The following TRPM7 variants were observed in gnomAD, a reference collection of about 807,000 sequenced individuals.
The protein encoded by TRPM7 is LTRPC ion channel family member 7.
TRPM7 carries 134 observed loss-of-function variants against 229.7 expected under a neutral mutation model. That is an observed-to-expected ratio of 0.58 (90% CI 0.51 to 0.67). The LOEUF is 0.67. Ranked by LOEUF, TRPM7 falls within the 30% of genes least tolerant of loss-of-function variation. The probability of loss-of-function intolerance (pLI) is 0.00; values close to 1 mark genes in which losing one functional copy is unlikely to be tolerated. For missense variants in TRPM7, 1,901 were observed against 2,210.0 expected, an observed-to-expected ratio of 0.86 and a Z score of 2.80; for synonymous variants, 699 against 715.2, an observed-to-expected ratio of 0.98 and a Z score of 0.36.
intron 1 of TRPM7, among the ~76,000 whole-genome samples, chr15:50,677,170 A>G (rs1015326470): frequency 6.6e-6 from 1 of 152,158 alleles, no homozygotes; most frequent in African/African-American, 2.4e-5. Flanking sequence ...AGGCTCTCAG[A>G]CAGCTGCCTC....
chr15:50,635,153 T>A (rs1038225629), intron 7 of TRPM7, among the ~76,000 whole-genome samples: 6 of 150,532 alleles, frequency 4.0e-5, no homozygotes, highest in Non-Finnish European at 7.4e-5. Context: ...CTGTCTCTAC[T>A]GAAAATACAA....
intron 22 of TRPM7, among the ~76,000 whole-genome samples, chr15:50,597,050 G>C (rs2140390247): frequency 6.6e-6 from 1 of 152,280 alleles, no homozygotes; most frequent in African/African-American, 2.4e-5. Context: ...TAAGAGTATG[G>C]TTGACTCATA....
chr15:50,637,492 T>A lies in TRPM7; in HGVS notation c.762A>T (p.Gly254=), dbSNP rs770097605. The A allele has an allele frequency of 6.2e-7, 1 of 1,614,128 alleles. No individual in the cohort carries two copies. Among genetic ancestry groups the A allele is most frequent in the Non-Finnish European group, 8.5e-7 (1 of 1,180,006 alleles). ...TCAGTCTGACTTCCGCCCCATACTT[T>A]CCAACAGTGCCATCATCCACCAATA... ...HFILVDDGTV[G]KYGAEVRLRR... Residue 254 remains glycine, a synonymous_variant, in exon 7 of 39, where the codon GGA becomes GGT. Transcript: ENST00000646667.
intron 4 of TRPM7, among the ~76,000 whole-genome samples, 173 bp downstream of exon 4, chr15:50,648,514 T>G (rs1002824645): frequency 6.6e-6 from 1 of 152,230 alleles, no homozygotes; most frequent in East Asian, 1.9e-4. Context: ...TTTATAATGA[T>G]GAAAGGTTCA....
At chr15:50,591,252 G>C (rs117730365) in intron 26 of TRPM7, among the ~76,000 whole-genome samples, 1,873 of 152,102 alleles carry the variant, frequency 0.012, 18 homozygotes, top group South Asian at 0.044. Flanking sequence ...GTCTTGGTTT[G>C]GGTAAAAAAA....
chr15:50,663,111 C>T, intron 1 of TRPM7, 65 bp from the exon 2 acceptor site: 7 of 1,205,338 alleles, frequency 5.8e-6, no homozygotes, highest in Non-Finnish European at 8.4e-6. Context: ...GAAACAATTT[C>T]ATGATAAACA....
chr15:50,686,252 G>T (rs1317288663), intron 1 of TRPM7, among the ~76,000 whole-genome samples: 1 of 152,168 alleles, frequency 6.6e-6, no homozygotes, highest in Admixed American at 6.5e-5. Flanking sequence ...TCCCGGGCTC[G>T]CGCCTCTGCC....
chr15:50,648,933 A>C, intron 3 of TRPM7, 48 bp from the exon 4 acceptor site: 5 of 1,464,194 alleles, frequency 3.4e-6, no homozygotes, highest in Non-Finnish European at 4.6e-6. Context: ...AATTAGAGTT[A>C]ATGAAAAAAT....
intron 26 of TRPM7, among the ~76,000 whole-genome samples, 193 bp from the exon 27 acceptor site, chr15:50,589,849 T>TTTTTTGG (rs2059440308): frequency 2.1e-5 from 1 of 46,650 alleles, no homozygotes; most frequent in Admixed American, 3.3e-4. Context: ...GGTTACAGTT[T>TTTTTTGG]TTTTTGTTTT....
intron 27 of TRPM7, among the ~76,000 whole-genome samples, chr15:50,586,888 T>A (rs1367530822): frequency 6.6e-6 from 1 of 152,016 alleles, no homozygotes; most frequent in African/African-American, 2.4e-5. Context: ...TGGTGGCGCA[T>A]GCCTGTAGTC....
At chr15:50,677,542 C>G (rs922088770) in intron 1 of TRPM7, among the ~76,000 whole-genome samples, 1 of 151,658 alleles carries the variant, frequency 6.6e-6, no homozygotes, top group Non-Finnish European at 1.5e-5. Context: ...AGTTTGAGAC[C>G]AGCCTGACCA....
intron 5 of TRPM7, 147 bp from the exon 6 acceptor site, chr15:50,639,695 T>C (rs2140745694): frequency 1.7e-6 from 1 of 579,596 alleles, no homozygotes; most frequent in Admixed American, 3.4e-5. Flanking sequence ...GCCTCCCCAG[T>C]AGGTGGGACT....
In TRPM7 at chr15:50,561,706, GAT is replaced by G; in HGVS notation, c.5568_5569del (p.Glu1856AspfsTer3). Reference sequence around the variant, plus strand: ...TAACATCAGACGAACAGAATTAGTTGATTCTGATTCTTTGGTGGAATTTCCAG... The same window carrying G: ...TAACATCAGACGAACAGAATTAGTTGTCTGATTCTTTGGTGGAATTTCCAG... On this transcript the variant is annotated frameshift_variant, in exon 39 of 39. Coordinates refer to ENST00000646667, the MANE Select transcript of TRPM7 (RefSeq NM_017672.6). LOFTEE classifies it high-confidence loss of function. 6.2e-7 allele frequency: 1 copy of G among 1,610,468 alleles called. No individual in the cohort carries two copies. Among genetic ancestry groups the G allele is most frequent in the South Asian group, 1.1e-5 (1 of 90,228 alleles).
In TRPM7 at chr15:50,615,517, AATAAT is replaced by A. The variant is rs554640695; in HGVS notation, c.1495-1259_1495-1255del. ...ATTTAAAAACTGGTTAATTTTATTA[AATAAT>A]CTTAAAGGGATTTAATCATCAGATA... On this transcript the variant is annotated intron_variant, in intron 13 of 38. Transcript: ENST00000646667. Among the ~76,000 whole-genome samples, 42 of 152,334 alleles carry A rather than the reference AATAAT, an allele frequency of 2.8e-4. No individual in the cohort carries two copies. In the East Asian group the frequency reaches 7.5e-3, roughly 27 times the overall value.
intron 26 of TRPM7, among the ~76,000 whole-genome samples, chr15:50,589,869 TAAA>T: frequency 1.2e-5 from 1 of 85,006 alleles, no homozygotes; most frequent in Non-Finnish European, 2.9e-5. Context: ...TTTGTTTTTT[TAAA>T]TTTGAGAACA....
In TRPM7 at chr15:50,559,323, T is replaced by A. The variant is rs1466339030; in HGVS notation, c.*2355A>T. 6.6e-6 allele frequency: 1 copy of A among 152,100 alleles called. No homozygotes were observed. The highest frequency in any genetic ancestry group is 1.9e-4 in the East Asian group (1 of 5,190). 9.4% of individuals were successfully genotyped at this position (152,100 alleles called of 1,614,324 possible). ...ACCTTGGCCTCCCAAAGTGCTGGGA[T>A]TACAGGCATGAGCCACTGCACCTGG... On this transcript the variant is annotated 3_prime_UTR_variant, in exon 39 of 39. Coordinates refer to ENST00000646667, the MANE Select transcript of TRPM7 (RefSeq NM_017672.6).
At chr15:50,671,272 A>AT (rs1201809757) in intron 1 of TRPM7, among the ~76,000 whole-genome samples, 2 of 151,988 alleles carry the variant, frequency 1.3e-5, no homozygotes, top group African/African-American at 4.8e-5. Flanking sequence ...TATCAGTTCA[A>AT]TTTTTTAGAT....
At chr15:50,648,591 A>T in intron 4 of TRPM7, 96 bp downstream of exon 4, 1 of 1,112,844 alleles carries the variant, frequency 9.0e-7, no homozygotes, top group Non-Finnish European at 1.3e-6. Context: ...CAAATAAATT[A>T]CTGAGACCAA....
chr15:50,668,813 T>C (rs896407896), intron 1 of TRPM7, among the ~76,000 whole-genome samples: 3 of 151,656 alleles, frequency 2.0e-5, no homozygotes, highest in East Asian at 1.9e-4. Flanking sequence ...TGGCCTACAA[T>C]AGATATTTGT....
Sources: allele counts gnomAD v4.1 joint callset (sites outside exome capture counted in the v4.1 genomes callset), GRCh38; gene constraint gnomAD v4.1.1; transcripts MANE v1.5; gene names NCBI Gene and HGNC (gene_info 2026-07-23, HGNC 2026-07-21).